Variants in DGKB observed in about 807,000 individuals in gnomAD.
DGKB encodes the protein 90 kDa diacylglycerol kinase.
DGKB carries 67 observed loss-of-function variants against 114.3 expected under a neutral mutation model. That is an observed-to-expected ratio of 0.59 (90% confidence interval 0.48 to 0.72). DGKB has a LOEUF of 0.72. Ranked by LOEUF, DGKB falls within the 30% of genes least tolerant of loss-of-function variation. The pLI is 0.00. For missense variants in DGKB, 907 were observed against 975.2 expected, an observed-to-expected ratio of 0.93 and a Z score of 0.93; for synonymous variants, 398 against 323.1, an observed-to-expected ratio of 1.23 and a Z score of -2.49.
At chr7:14,299,957 TA>T (rs1803235606) in intron 23 of DGKB, among the ~76,000 whole-genome samples, 1 of 152,066 alleles carries the variant, frequency 6.6e-6, no homozygotes, top group South Asian at 2.1e-4. Context: ...TAGCACCATA[TA>T]AAAATATTTT....
chr7:14,236,116 A>G (rs1303294379), intron 23 of DGKB, among the ~76,000 whole-genome samples: 1 of 152,098 alleles, frequency 6.6e-6, no homozygotes, highest in Non-Finnish European at 1.5e-5. Context: ...AAAAAAATTG[A>G]GAGTGATGTA....
chr7:14,543,728 G>C (rs567807564), intron 20 of DGKB, among the ~76,000 whole-genome samples: 17 of 152,208 alleles, frequency 1.1e-4, no homozygotes, highest in African/African-American at 4.1e-4. Flanking sequence ...ATAAATAATA[G>C]CCAGAAATTT....
chr7:14,666,977 AT>A (rs1440807670), intron 13 of DGKB, among the ~76,000 whole-genome samples: 3 of 151,998 alleles, frequency 2.0e-5, no homozygotes, highest in Non-Finnish European at 4.4e-5. Context: ...AAAACACCAT[AT>A]GATAATAATT....
intron 13 of DGKB, among the ~76,000 whole-genome samples, chr7:14,630,692 G>A (rs1809518107): frequency 6.6e-6 from 1 of 151,852 alleles, no homozygotes. Context: ...CATAGCTTAT[G>A]ATGTTCATTT....
chr7:14,691,945 C>G lies in DGKB; in HGVS notation c.711+2130G>C, dbSNP rs562742931. Among the ~76,000 whole-genome samples the G allele has an allele frequency of 3.8e-4, 58 of 151,750 alleles. No individual in the cohort carries two copies. The Middle Eastern group carries it at 0.014, about 36-fold the overall frequency. On this transcript the variant is annotated intron_variant, in intron 9 of 25. Coordinates refer to ENST00000402815, the MANE Select transcript of DGKB (RefSeq NM_001350709.2). ...AACATAAAAAATAAGTTTACAAATACTATTAAAAAGTAAATTATGTACAGT... is the reference window on the plus strand; with the variant it reads ...AACATAAAAAATAAGTTTACAAATAGTATTAAAAAGTAAATTATGTACAGT...
chr7:14,516,997 A>G (rs1788909971), intron 20 of DGKB, among the ~76,000 whole-genome samples: 1 of 152,190 alleles, frequency 6.6e-6, no homozygotes, highest in South Asian at 2.1e-4. Context: ...TTAATAGTCA[A>G]GTTGATCCTA....
At chr7:14,592,297 C>A (rs1179349689) in intron 17 of DGKB, among the ~76,000 whole-genome samples, 1 of 44,252 alleles carries the variant, frequency 2.3e-5, no homozygotes, top group East Asian at 4.1e-4. Context: ...GTCATCAATT[C>A]TCTTTTTCCT....
intron 2 of DGKB, among the ~76,000 whole-genome samples, chr7:14,782,271 T>C (rs1002846651): frequency 6.6e-6 from 1 of 152,236 alleles, no homozygotes; most frequent in Admixed American, 6.5e-5. Flanking sequence ...AGTGATCTGC[T>C]CTCCTCAGCC....
chr7:14,524,163 G>GAATATA (rs1025105180), intron 20 of DGKB, among the ~76,000 whole-genome samples: 1 of 151,796 alleles, frequency 6.6e-6, no homozygotes, highest in African/African-American at 2.4e-5. Context: ...GTTATATTCA[G>GAATATA]AATATAAGAC....
chr7:14,429,420 G>T (rs1828082162), intron 21 of DGKB, among the ~76,000 whole-genome samples: 1 of 152,094 alleles, frequency 6.6e-6, no homozygotes, highest in South Asian at 2.1e-4. Flanking sequence ...CATGATCTTG[G>T]ACTTCCAAGC....
rs141458353 is a variant in DGKB at position 14,613,242 on chromosome 7, A to G, written c.1358+98T>C. 8.5e-4 allele frequency: 559 copies of G among 655,600 alleles called. 2 individuals carry two copies. In the African/African-American group the frequency reaches 9.2e-3, roughly 11 times the overall value. 40.6% of individuals were successfully genotyped at this position (655,600 alleles called of 1,614,324 possible). ...TCATTTATTTTGCATTAAAATTAGC[A>G]GAGAGGAATAATTGTTTTTAAGCAT... is the stretch of plus-strand genomic sequence containing the variant. On this transcript the variant is annotated intron_variant, in intron 16 of 25. Transcript: ENST00000402815.
intron 1 of DGKB, among the ~76,000 whole-genome samples, chr7:14,886,898 C>G (rs1780369950): frequency 6.6e-6 from 1 of 151,944 alleles, no homozygotes. Context: ...CTATCATACC[C>G]ACTCCAGCCA....
intron 5 of DGKB, among the ~76,000 whole-genome samples, chr7:14,721,497 T>C (rs13231864): frequency 0.43 from 64,458 of 151,646 alleles, 15,177 homozygotes; most frequent in East Asian, 0.88. Flanking sequence ...CACTTAAAGC[T>C]GTATCATGTA....
intron 2 of DGKB, among the ~76,000 whole-genome samples, chr7:14,782,385 T>G (rs571722845): frequency 6.6e-6 from 1 of 152,228 alleles, no homozygotes; most frequent in South Asian, 2.1e-4. Context: ...ATACTTAGAC[T>G]TTAATATTTT....
chr7:14,161,373 C>T (rs1380978770), intron 25 of DGKB, among the ~76,000 whole-genome samples: 3 of 152,156 alleles, frequency 2.0e-5, no homozygotes, highest in African/African-American at 7.2e-5. Flanking sequence ...TGTATGTTTA[C>T]TGCAGCACTA....
intron 25 of DGKB, among the ~76,000 whole-genome samples, chr7:14,152,154 G>A (rs774025749): frequency 6.6e-6 from 1 of 151,984 alleles, no homozygotes; most frequent in Non-Finnish European, 1.5e-5. Context: ...AAATAACAAT[G>A]AGTAAAAATT....
intron 23 of DGKB, among the ~76,000 whole-genome samples, chr7:14,226,106 T>C (rs1429959292): frequency 1.3e-5 from 2 of 151,902 alleles, no homozygotes; most frequent in East Asian, 3.9e-4. Context: ...AATCACATAA[T>C]AAATAACCTG....
intron 20 of DGKB, among the ~76,000 whole-genome samples, chr7:14,548,383 A>G (rs368849802): frequency 3.3e-5 from 5 of 152,320 alleles, no homozygotes; most frequent in African/African-American, 1.2e-4. Flanking sequence ...AGTGCCCCAA[A>G]TGAGTGGCAA....
intron 21 of DGKB, among the ~76,000 whole-genome samples, chr7:14,470,333 T>C (rs569280697): frequency 3.9e-4 from 59 of 152,012 alleles, no homozygotes; most frequent in Admixed American, 1.4e-3. Flanking sequence ...TAGTGACATA[T>C]ACACAAGGTA....
Sources: gnomAD v4.1 joint callset for allele counts (sites outside exome capture counted in the v4.1 genomes callset) on GRCh38, gnomAD v4.1.1 for gene constraint, MANE v1.5 for transcripts, NCBI Gene and HGNC (gene_info 2026-07-23, HGNC 2026-07-21) for gene names.